RAB3GAP2: variants seen among roughly 807,000 people sequenced by gnomAD.
RAB3GAP2 encodes RAB3 GTPase activating non-catalytic protein subunit 2.
A neutral mutation model predicts 185.3 loss-of-function variants in RAB3GAP2; 87 were observed. That is an observed-to-expected ratio of 0.47 (90% CI 0.39 to 0.56). RAB3GAP2 has a LOEUF of 0.56. RAB3GAP2 is among the 20% of genes least tolerant of loss of function. The pLI, the probability that RAB3GAP2 is intolerant of heterozygous loss-of-function variation, is 0.00. For synonymous variants in RAB3GAP2, 554 were observed against 576.1 expected, an observed-to-expected ratio of 0.96 and a Z score of 0.55; for missense variants, 1,492 against 1,638.2, an observed-to-expected ratio of 0.91 and a Z score of 1.54.
At chr1:220,201,773 T>A (rs1658864375) in intron 9 of RAB3GAP2, among the ~76,000 whole-genome samples, 1 of 152,210 alleles carries the variant, frequency 6.6e-6, no homozygotes, top group Admixed American at 6.5e-5. Context: ...GTGCTGGGAT[T>A]ACAGGTGTTA....
chr1:220,199,468 G>A (rs2102874033), intron 9 of RAB3GAP2, among the ~76,000 whole-genome samples: 1 of 152,230 alleles, frequency 6.6e-6, no homozygotes, highest in Middle Eastern at 3.4e-3. Context: ...ATAACTCCAT[G>A]TTGTCAAATC....
At chr1:220,268,040 C>T in intron 1 of RAB3GAP2, 1 of 456,272 alleles carries the variant, frequency 2.2e-6, no homozygotes, top group South Asian at 5.0e-5. Context: ...TACATATCCT[C>T]TAGAGATGAG....
Position 220,195,158 on chromosome 1 carries a change from A to G in RAB3GAP2, c.1050T>C (p.Leu350=). ...SALFNAASGW[L]GWKSKHEEEA... ...CTTCTTCGTGCTTACTTTTCCAACC[A>G]AGCCAACCACTGAAAAGAAAGAAAA... Residue 350 remains leucine, a synonymous_variant, in exon 12 of 35, where the codon CTT becomes CTC. Transcript: ENST00000358951. 1 of 1,614,162 alleles carries G rather than the reference A, an allele frequency of 6.2e-7. No individual in the cohort carries two copies. Among genetic ancestry groups the G allele is most frequent in the African/African-American group, 1.3e-5 (1 of 75,056 alleles).
chr1:220,180,571 G>A (rs571992994), intron 21 of RAB3GAP2, among the ~76,000 whole-genome samples: 71 of 152,258 alleles, frequency 4.7e-4, no homozygotes, highest in Non-Finnish European at 9.3e-4. Context: ...AATGGGTAAC[G>A]AGATGGAAGC....
chr1:220,167,796 T>C (rs1658098769), intron 24 of RAB3GAP2, 121 bp from the exon 25 acceptor site: 1 of 1,095,148 alleles, frequency 9.1e-7, no homozygotes, highest in South Asian at 1.3e-5. Flanking sequence ...AGCCTGAAGC[T>C]GACCCGAAAA....
intron 1 of RAB3GAP2, among the ~76,000 whole-genome samples, chr1:220,251,300 T>C (rs974041884): frequency 6.6e-6 from 1 of 152,174 alleles, no homozygotes; most frequent in African/African-American, 2.4e-5. Context: ...TAGTAGAATG[T>C]TTTACAAGCT....
chr1:220,225,454 G>T (rs1659386977), intron 2 of RAB3GAP2, among the ~76,000 whole-genome samples: 1 of 152,068 alleles, frequency 6.6e-6, no homozygotes, highest in Non-Finnish European at 1.5e-5. Context: ...TTGACATCTG[G>T]GGCCAGAAAA....
At chr1:220,176,810 G>C (rs909395123) in intron 21 of RAB3GAP2, among the ~76,000 whole-genome samples, 4 of 152,128 alleles carry the variant, frequency 2.6e-5, no homozygotes, top group Non-Finnish European at 4.4e-5. Flanking sequence ...GCAGGAACTT[G>C]CTGAAGACAC....
At chr1:220,254,193 T>G in intron 1 of RAB3GAP2, 1 of 1,613,530 alleles carries the variant, frequency 6.2e-7, no homozygotes, top group Non-Finnish European at 8.5e-7. Context: ...GAAACACAGA[T>G]AATAAGGAGT....
chr1:220,185,801 T>A, intron 17 of RAB3GAP2, 60 bp from the exon 18 acceptor site: 2 of 1,371,270 alleles, frequency 1.5e-6, no homozygotes, highest in South Asian at 1.2e-5. Context: ...GTTTTTTAAA[T>A]CTTATATTTA....
intron 7 of RAB3GAP2, among the ~76,000 whole-genome samples, chr1:220,206,900 A>G (rs1047198365): frequency 1.3e-5 from 2 of 152,178 alleles, no homozygotes; most frequent in African/African-American, 4.8e-5. Context: ...TTCTCTTGGC[A>G]CATTACTATC....
intron 27 of RAB3GAP2, among the ~76,000 whole-genome samples, chr1:220,164,473 G>GTTTTTTTTTTTTTTTTT (rs35024056): frequency 3.3e-4 from 35 of 105,594 alleles, no homozygotes; most frequent in Non-Finnish European, 4.6e-4. Context: ...TTTTTGTTTT[G>GTTTTTTTTTTTTTTTTT]TTTTTTTTTT....
intron 1 of RAB3GAP2, chr1:220,253,589 C>T (rs1284168284): frequency 5.0e-5 from 79 of 1,580,768 alleles, no homozygotes; most frequent in Non-Finnish European, 6.8e-5. Context: ...AAGCAGGACC[C>T]GAAGCCTAAA....
At chr1:220,157,762 T>C (rs1657885958) in intron 30 of RAB3GAP2, 40 bp downstream of exon 30, 1 of 1,487,258 alleles carries the variant, frequency 6.7e-7, no homozygotes, top group Non-Finnish European at 9.4e-7. Context: ...ATATGTAATA[T>C]CTTAGGAGCA....
At chr1:220,188,472 G>C (rs1378840564) in intron 17 of RAB3GAP2, among the ~76,000 whole-genome samples, 1 of 152,314 alleles carries the variant, frequency 6.6e-6, no homozygotes, top group East Asian at 1.9e-4. Context: ...GATAGGAGGA[G>C]TGGGAGTAAA....
At chr1:220,272,064 G>C (rs1216357122) in intron 1 of RAB3GAP2, among the ~76,000 whole-genome samples, 159 bp downstream of exon 1, 1 of 151,876 alleles carries the variant, frequency 6.6e-6, no homozygotes, top group African/African-American at 2.4e-5. Flanking sequence ...TTCAGGACGA[G>C]GTGGGCAGGG....
At chr1:220,205,698 G>A (rs1167614770) in intron 8 of RAB3GAP2, among the ~76,000 whole-genome samples, 1 of 152,150 alleles carries the variant, frequency 6.6e-6, no homozygotes, top group Admixed American at 6.5e-5. Context: ...CAAAGGCAAC[G>A]TGTGAAGAGT....
chr1:220,272,114 G>A (rs542574195), intron 1 of RAB3GAP2, 109 bp downstream of exon 1: 19 of 923,866 alleles, frequency 2.1e-5, no homozygotes, highest in Middle Eastern at 3.0e-4. Context: ...GGAGAACTGG[G>A]GGTCCAGAGG....
chr1:220,238,542 T>C (rs1266619512), intron 1 of RAB3GAP2, among the ~76,000 whole-genome samples: 2 of 152,200 alleles, frequency 1.3e-5, no homozygotes, highest in Non-Finnish European at 2.9e-5. Context: ...ACAGAGTTGT[T>C]ATAGTTAAAA....
Sources: gnomAD v4.1 joint callset for allele counts (sites outside exome capture counted in the v4.1 genomes callset) on GRCh38, gnomAD v4.1.1 for gene constraint, MANE v1.5 for transcripts, NCBI Gene and HGNC (gene_info 2026-07-23, HGNC 2026-07-21) for gene names.